SRGAP3: variants seen among roughly 807,000 people sequenced by gnomAD.
The protein encoded by SRGAP3 is SLIT-ROBO Rho GTPase activating protein 3.
Under a neutral mutation model 121.1 loss-of-function variants are expected in SRGAP3, and 39 were observed. The observed-to-expected ratio is 0.32, with a 90% CI of 0.25 to 0.42. The LOEUF is 0.42. Among genes scored for constraint, SRGAP3 ranks in the 10% least tolerant of loss-of-function variants. The pLI is 1.00. For synonymous variants in SRGAP3, 601 were observed against 570.0 expected, an observed-to-expected ratio of 1.05 and a Z score of -0.77; for missense variants, 1,213 against 1,470.6, an observed-to-expected ratio of 0.82 and a Z score of 2.86.
At chr3:9,057,115 G>A (rs1294620763) in intron 7 of SRGAP3, among the ~76,000 whole-genome samples, 1 of 152,098 alleles carries the variant, frequency 6.6e-6, no homozygotes, top group Non-Finnish European at 1.5e-5. Context: ...TTTTAACAGA[G>A]ACAGGGTTTC....
chr3:9,209,711 A>G (rs796283732), intron 1 of SRGAP3, among the ~76,000 whole-genome samples: 3 of 152,256 alleles, frequency 2.0e-5, no homozygotes, highest in Admixed American at 6.5e-5. Flanking sequence ...TATCATCCCA[A>G]AAAGTTGAAA....
intron 1 of SRGAP3, among the ~76,000 whole-genome samples, chr3:9,213,433 CT>C (rs1952512096): frequency 6.6e-6 from 1 of 152,190 alleles, no homozygotes; most frequent in South Asian, 2.1e-4. Context: ...AGGCATCCTC[CT>C]TTACACCAGA....
At chr3:9,285,667 G>A (rs1006129954) in intron 3 of SRGAP3, among the ~76,000 whole-genome samples, 3 of 151,802 alleles carry the variant, frequency 2.0e-5, no homozygotes, top group Non-Finnish European at 4.4e-5. Flanking sequence ...GTGGTGGCAT[G>A]TGCCTGTAGT....
chr3:9,247,334 T>C (rs1481292903), intron 1 of SRGAP3, among the ~76,000 whole-genome samples: 1 of 152,156 alleles, frequency 6.6e-6, no homozygotes, highest in East Asian at 1.9e-4. Context: ...GTTTTCCACA[T>C]TGAACTGAAA....
At chr3:9,196,739 A>G (rs145860278) in intron 1 of SRGAP3, among the ~76,000 whole-genome samples, 2 of 152,372 alleles carry the variant, frequency 1.3e-5, no homozygotes, top group East Asian at 3.9e-4. Flanking sequence ...TGACATAAAC[A>G]TGGAAAAATG....
At chr3:9,164,034 G>A (rs552586118) in intron 1 of SRGAP3, among the ~76,000 whole-genome samples, 68 of 76,308 alleles carry the variant, frequency 8.9e-4, no homozygotes, top group Admixed American at 4.2e-3. Flanking sequence ...TTTCACTCTT[G>A]TTGCCCAGGC....
At chr3:9,187,829 A>G (rs1455013179) in intron 1 of SRGAP3, among the ~76,000 whole-genome samples, 2 of 152,180 alleles carry the variant, frequency 1.3e-5, no homozygotes, top group African/African-American at 2.4e-5. Context: ...CGTGACTTAT[A>G]CCCGTCAGAG....
intron 15 of SRGAP3, 51 bp from the exon 16 acceptor site, chr3:9,013,893 G>T (rs1231017804): frequency 6.4e-7 from 1 of 1,564,852 alleles, no homozygotes; most frequent in East Asian, 2.2e-5. Flanking sequence ...AGAGAGCAAA[G>T]CAACAAACAT....
chr3:9,192,008 G>T (rs1951767340), intron 1 of SRGAP3, among the ~76,000 whole-genome samples: 2 of 152,174 alleles, frequency 1.3e-5, no homozygotes, highest in Non-Finnish European at 2.9e-5. Context: ...TTCCTGTAAA[G>T]CCTGCAGAAC....
Position 9,137,598 on chromosome 3 carries a change from C to T in SRGAP3, c.68-12681G>A, listed in dbSNP as rs546841929. Among the ~76,000 whole-genome samples the T allele has an allele frequency of 9.2e-5, 14 of 152,302 alleles. No individual in the cohort carries two copies. In the South Asian group the frequency reaches 2.7e-3, roughly 29 times the overall value. On this transcript the variant is annotated intron_variant, in intron 1 of 21. Coordinates refer to ENST00000383836, the MANE Select transcript of SRGAP3 (RefSeq NM_014850.4). ...CACTAGGGAATTAGCATTGGATATACATGCACGGCTGAAGAAATTAAAGAA... is the reference window on the plus strand; with the variant it reads ...CACTAGGGAATTAGCATTGGATATATATGCACGGCTGAAGAAATTAAAGAA...
chr3:9,361,586 A>C (rs947058983), intron 1 of SRGAP3, among the ~76,000 whole-genome samples: 1 of 152,092 alleles, frequency 6.6e-6, no homozygotes, highest in African/African-American at 2.4e-5. Flanking sequence ...CCCTAGAAAA[A>C]ACTTGGAAGC....
chr3:9,095,306 C>A (rs1364727646), intron 3 of SRGAP3, among the ~76,000 whole-genome samples: 3 of 151,676 alleles, frequency 2.0e-5, no homozygotes, highest in South Asian at 4.2e-4. Context: ...TCAATATTTT[C>A]TTTTATGGTT....
intron 18 of SRGAP3, among the ~76,000 whole-genome samples, chr3:9,009,390 T>A (rs763518062): frequency 1.3e-5 from 2 of 152,310 alleles, no homozygotes; most frequent in East Asian, 3.9e-4. Flanking sequence ...GTATTCTAAC[T>A]TTCAAGGGTC....
chr3:9,326,493 TG>T (rs1271606274), intron 2 of SRGAP3, among the ~76,000 whole-genome samples: 1 of 151,824 alleles, frequency 6.6e-6, no homozygotes, highest in Non-Finnish European at 1.5e-5. Context: ...ATCTTTTCCA[TG>T]GCGAGTCATG....
intron 1 of SRGAP3, among the ~76,000 whole-genome samples, chr3:9,143,757 T>C (rs888149597): frequency 4.6e-5 from 7 of 152,084 alleles, no homozygotes; most frequent in African/African-American, 1.7e-4. Flanking sequence ...CCCCATGAGT[T>C]ACCCCCATTC....
At chr3:9,089,995 C>T (rs1167859349) in intron 3 of SRGAP3, among the ~76,000 whole-genome samples, 1 of 152,096 alleles carries the variant, frequency 6.6e-6, no homozygotes, top group East Asian at 1.9e-4. Flanking sequence ...AGAGCCTTTC[C>T]GTCCCTAGAT....
chr3:9,092,944 G>A (rs1179540351), intron 3 of SRGAP3, among the ~76,000 whole-genome samples: 5 of 151,932 alleles, frequency 3.3e-5, no homozygotes, highest in East Asian at 1.9e-4. Flanking sequence ...CCCTGATGTC[G>A]ATGTTTTATA....
intron 1 of SRGAP3, among the ~76,000 whole-genome samples, chr3:9,186,695 T>C (rs1951604314): frequency 6.6e-6 from 1 of 151,600 alleles, no homozygotes; most frequent in Admixed American, 6.6e-5. Flanking sequence ...AACCCTGCCA[T>C]GTACGACTGA....
chr3:9,166,552 C>G (rs905627455), intron 1 of SRGAP3, among the ~76,000 whole-genome samples: 7 of 152,268 alleles, frequency 4.6e-5, no homozygotes, highest in Admixed American at 1.3e-4. Context: ...AATGAAACAT[C>G]CTAGAAAATG....
Sources: allele counts gnomAD v4.1 joint callset (sites outside exome capture counted in the v4.1 genomes callset), GRCh38; gene constraint gnomAD v4.1.1; transcripts MANE v1.5; gene names NCBI Gene and HGNC (gene_info 2026-07-23, HGNC 2026-07-21).